The following TMEM63B variants were observed in gnomAD, a reference collection of about 807,000 sequenced individuals.
TMEM63B encodes transmembrane protein 63B, also known as mechanosensitive cation channel TMEM63B.
TMEM63B carries 23 observed loss-of-function variants against 102.6 expected under a neutral mutation model. The ratio of observed to expected loss-of-function variants is 0.22; its 90% confidence interval spans 0.16 to 0.32. The LOEUF is 0.32. TMEM63B is among the 10% of genes least tolerant of loss of function. The probability of loss-of-function intolerance (pLI) is 1.00; values close to 1 mark genes in which losing one functional copy is unlikely to be tolerated. For missense variants in TMEM63B, 628 were observed against 1,095.9 expected, an observed-to-expected ratio of 0.57 and a Z score of 6.03; for synonymous variants, 444 against 437.0, an observed-to-expected ratio of 1.02 and a Z score of -0.20.
At chr6:44,141,748 T>A (rs1323508947) in intron 10 of TMEM63B, among the ~76,000 whole-genome samples, 1 of 152,164 alleles carries the variant, frequency 6.6e-6, no homozygotes. Context: ...AGGGCTACTC[T>A]CACACAGGCA....
intron 1 of TMEM63B, among the ~76,000 whole-genome samples, chr6:44,133,026 ACACT>A (rs1762254329): frequency 6.6e-6 from 1 of 152,192 alleles, no homozygotes; most frequent in Non-Finnish European, 1.5e-5. Context: ...AATGTCAGTG[ACACT>A]CAATTCAGGA....
At chr6:44,132,196 C>T (rs1178049034) in intron 1 of TMEM63B, 1 of 928,642 alleles carries the variant, frequency 1.1e-6, no homozygotes, top group Non-Finnish European at 1.3e-6. Flanking sequence ...TCTGAGTGTG[C>T]CCTGCCTTCC....
intron 10 of TMEM63B, among the ~76,000 whole-genome samples, chr6:44,144,684 C>G (rs1764985127): frequency 6.6e-6 from 1 of 151,930 alleles, no homozygotes; most frequent in Admixed American, 6.6e-5. Flanking sequence ...GCAGCCTTGA[C>G]CTCCTGGGCT....
At chr6:44,138,610 C>T in intron 6 of TMEM63B, 93 bp downstream of exon 6, 1 of 1,474,960 alleles carries the variant, frequency 6.8e-7, no homozygotes, top group South Asian at 1.1e-5. Context: ...CTTTCAGGGC[C>T]TTAGCACTCC....
At chr6:44,143,563 GTTTGTTGTTTTTGTT>G (rs796679593) in intron 10 of TMEM63B, among the ~76,000 whole-genome samples, 7 of 125,700 alleles carry the variant, frequency 5.6e-5, no homozygotes, top group African/African-American at 2.1e-4. Context: ...GAAATCTGGT[GTTTGTTGTTTTTGTT>G]TTTGTTTTTG....
At position 44,150,743 on chromosome 6, in the gene TMEM63B, C is replaced by A. The variant is rs1766428051; in HGVS notation, c.1673+114C>A. 1 of 1,125,806 alleles carries A rather than the reference C, an allele frequency of 8.9e-7. No homozygotes were observed. The highest frequency in any genetic ancestry group is 1.3e-6 in the Non-Finnish European group (1 of 761,970). The allele number at this position is 1,125,806 out of a possible 1,614,324, so 69.7% of individuals were successfully genotyped here. On this transcript the variant is annotated intron_variant, in intron 18 of 23. Coordinates refer to ENST00000323267, the MANE Select transcript of TMEM63B (RefSeq NM_018426.3). This position sits in a 1 kb window ranked among gnomAD's most constrained non-coding sequence, Gnocchi z 4.7. ...CAAAGCTTCCAACTCCTGGAGGGGG[C>A]AGAAGAGAGAGGATCTGGCGGGGTT...
In TMEM63B at chr6:44,154,874, T is replaced by C. The variant is rs759511284; in HGVS notation, c.2490T>C (p.Ile830=). 6.4e-7 allele frequency: 1 copy of C among 1,563,344 alleles called. No individual in the cohort carries two copies. The highest frequency in any genetic ancestry group is 8.6e-7 in the Non-Finnish European group (1 of 1,156,206). ...AGGACAGCCTCATAGAGAATGAGAT[T>C]CACCAGTAAGGGGAGGGAGGGGCCC... The part of the protein sequence containing the change: ...SCEDSLIENE[I]HQ Residue 830 remains isoleucine, a synonymous_variant, in exon 24 of 24, where the codon ATT becomes ATC. Transcript: ENST00000323267.
chr6:44,140,207 G>T, intron 8 of TMEM63B, 45 bp from the exon 9 acceptor site: 1 of 1,499,920 alleles, frequency 6.7e-7, no homozygotes. Context: ...CTCTGAGTGT[G>T]TCCTAGCCCC....
At position 44,154,841 on chromosome 6, in the gene TMEM63B, G is replaced by A; in HGVS notation, c.2457G>A (p.Gln819=). 1 of 1,607,210 alleles carries A rather than the reference G, an allele frequency of 6.2e-7. No homozygotes were observed. The highest frequency in any genetic ancestry group is 8.5e-7 in the Non-Finnish European group (1 of 1,177,418). The change falls in exon 24 of 24, where the codon CAG becomes CAA. Residue 819 remains glutamine (Q), a synonymous_variant. Transcript: ENST00000323267. ...ACGCCCTCACGGACACAGACTTCCA[G>A]TCTTGCGAGGACAGCCTCATAGAGA... The part of the protein sequence containing the change: ...PPDALTDTDF[Q]SCEDSLIENE...
At chr6:44,127,152 T>TCCCCCCCCCGTCGGGCCC (rs1777194800), upstream of TMEM63B, 5 of 108,800 alleles carry the variant, frequency 4.6e-5, no homozygotes, top group Non-Finnish European at 6.5e-5. Context: ...GTAAGGGGCC[T>TCCCCCCCCCGTCGGGCCC]CCCCTCCCCG....
intron 6 of TMEM63B, 121 bp from the exon 7 acceptor site, chr6:44,139,346 C>A: frequency 8.0e-7 from 1 of 1,248,864 alleles, no homozygotes; most frequent in Non-Finnish European, 1.1e-6. Flanking sequence ...CCCTATACTA[C>A]TGCCAGATCA....
chr6:44,134,573 G>T lies in TMEM63B; in HGVS notation c.-12G>T. On this transcript the variant is annotated 5_prime_UTR_variant, in exon 2 of 24. Coordinates refer to ENST00000323267, the MANE Select transcript of TMEM63B (RefSeq NM_018426.3). ...ACCCTCTGCCCAGGAGGACCATGCG[G>T]CAGTAGCAGCCATGCTGCCCTTTCT... is the stretch of plus-strand genomic sequence containing the variant. 6.2e-7 allele frequency: 1 copy of T among 1,613,250 alleles called. No individual in the cohort carries two copies. Among genetic ancestry groups the T allele is most frequent in the Non-Finnish European group, 8.5e-7 (1 of 1,179,564 alleles).
At chr6:44,136,621 C>T (rs1317101471) in intron 5 of TMEM63B, among the ~76,000 whole-genome samples, 182 bp downstream of exon 5, 3 of 152,234 alleles carry the variant, frequency 2.0e-5, no homozygotes, top group Non-Finnish European at 1.5e-5. Flanking sequence ...CTCCTGGCTG[C>T]TGTCCTCTAT....
chr6:44,151,798 C>T, intron 18 of TMEM63B, 48 bp from the exon 19 acceptor site: 2 of 1,532,944 alleles, frequency 1.3e-6, no homozygotes, highest in South Asian at 2.5e-5. Flanking sequence ...GGCGGGCGGC[C>T]ACCGGGTCAC....
intron 5 of TMEM63B, among the ~76,000 whole-genome samples, chr6:44,136,657 C>A (rs1204217299): frequency 2.6e-5 from 4 of 152,240 alleles, no homozygotes; most frequent in Non-Finnish European, 5.9e-5. Context: ...CTAGCACAGC[C>A]TTAACATTCA....
chr6:44,152,523 T>A lies in TMEM63B; in HGVS notation c.1837-70T>A. The A allele has an allele frequency of 2.1e-6, 2 of 946,510 alleles. No individual in the cohort carries two copies. The highest frequency in any genetic ancestry group is 3.3e-6 in the Non-Finnish European group (2 of 599,456). 58.6% of individuals were successfully genotyped at this position (946,510 alleles called of 1,614,324 possible). A position where few individuals can be genotyped will look rare whatever the true frequency, so the allele number is the denominator to read the frequency against. ...CCAGAGGTCCTGGCTCCCTTCCCCCTCCCTCCTTCCCTGCCCCTCTGGTCA... is the reference window on the plus strand; with the variant it reads ...CCAGAGGTCCTGGCTCCCTTCCCCCACCCTCCTTCCCTGCCCCTCTGGTCA... On this transcript the variant is annotated intron_variant, in intron 19 of 23. Coordinates refer to ENST00000323267, the MANE Select transcript of TMEM63B (RefSeq NM_018426.3). This position sits in a 1 kb window ranked among gnomAD's most constrained non-coding sequence, Gnocchi z 6.4.
chr6:44,135,308 T>A lies in TMEM63B; in HGVS notation c.240-20T>A, dbSNP rs767039229. The A allele has an allele frequency of 1.9e-6, 3 of 1,611,352 alleles. No homozygotes were observed. The South Asian group carries it at 3.3e-5, about 18-fold the overall frequency. The stretch of plus-strand genomic sequence containing the variant: ...GACTCTCCCCCGCCCCTGCTAACCC[T>A]GTCTGTTCTCTGTCCCCAGGCTTCG... On this transcript the variant is annotated intron_variant, in intron 3 of 23. Transcript: ENST00000323267.
At position 44,153,803 on chromosome 6, in the gene TMEM63B, C is replaced by T. The variant is rs778219791; in HGVS notation, c.2070C>T (p.Leu690=). The T allele has an allele frequency of 3.1e-6, 5 of 1,614,028 alleles. No homozygotes were observed. In the Admixed American group the frequency reaches 8.3e-5, roughly 27 times the overall value. ...AVNQVVAAPI[L]CLFWLLFFST... ...ACCAGGTGGTGGCCGCGCCCATCCTCTGCCTCTTCTGGCTGCTCTTCTTTT... is the reference window on the plus strand; with the variant it reads ...ACCAGGTGGTGGCCGCGCCCATCCTTTGCCTCTTCTGGCTGCTCTTCTTTT... The change falls in exon 21 of 24, where the codon CTC becomes CTT. Residue 690 remains leucine, a synonymous_variant. Transcript: ENST00000323267.
rs1018157292 is a variant in TMEM63B at position 44,140,676 on chromosome 6, C to G, written c.711+316C>G. 9.9e-5 allele frequency among the ~76,000 whole-genome samples: 15 copies of G among 152,244 alleles called. No homozygotes were observed. The South Asian group carries it at 1.2e-3, about 13-fold the overall frequency. On this transcript the variant is annotated intron_variant, in intron 9 of 23. Coordinates refer to ENST00000323267, the MANE Select transcript of TMEM63B (RefSeq NM_018426.3). ...TCCTTCCCCTTCTACATGCACTCAC[C>G]AAGCCAGAACCGGACACCTACTCCA...
Sources: gnomAD v4.1 joint callset for allele counts (sites outside exome capture counted in the v4.1 genomes callset) on GRCh38, gnomAD v4.1.1 for gene constraint, Gnocchi (gnomAD v3.1) non-coding constraint, MANE v1.5 for transcripts, NCBI Gene and HGNC (gene_info 2026-07-23, HGNC 2026-07-21) for gene names.